Variants in RBM33 observed in about 807,000 individuals in gnomAD.
RBM33 encodes the protein RNA-binding protein 33.
In RBM33, 28 loss-of-function variants were observed where a neutral mutation model predicts 132.6. That is an observed-to-expected ratio of 0.21 (90% CI 0.16 to 0.29). The LOEUF (loss-of-function observed/expected upper bound fraction) is 0.29, where lower values mean the gene tolerates loss of function less well. Ranked by LOEUF, RBM33 falls within the 10% of genes least tolerant of loss-of-function variation. The probability of loss-of-function intolerance (pLI) is 1.00; values close to 1 mark genes in which losing one functional copy is unlikely to be tolerated. For synonymous variants in RBM33, 634 were observed against 593.0 expected, an observed-to-expected ratio of 1.07 and a Z score of -1.01; for missense variants, 1,291 against 1,518.5, an observed-to-expected ratio of 0.85 and a Z score of 2.49.
rs57690933 is a variant in RBM33, at chr7:155,725,804, T to A, written c.1260+7361T>A. On this transcript the variant is annotated intron_variant, in intron 9 of 17. Coordinates refer to ENST00000401878, the MANE Select transcript of RBM33 (RefSeq NM_053043.3). ...TTAACATTATCCTAATGTATTTAAA[T>A]TCATGTGGTGTTTTTTTACCCCTGC... 1.0e-3 allele frequency among the ~76,000 whole-genome samples: 152 copies of A among 152,342 alleles called. 1 individual carries two copies. The highest frequency in any genetic ancestry group is 6.8e-3 in the Middle Eastern group (2 of 294).
intron 9 of RBM33, among the ~76,000 whole-genome samples, chr7:155,729,232 G>A (rs1037789003): frequency 2.0e-5 from 3 of 152,054 alleles, no homozygotes; most frequent in African/African-American, 7.2e-5. Flanking sequence ...CTGCCCCCAT[G>A]ATCCAGTCAC....
At position 155,739,719 on chromosome 7, in the gene RBM33, C is replaced by T. The variant is rs1411362834; in HGVS notation, c.1742C>T (p.Pro581Leu). The T allele has an allele frequency of 3.2e-6, 5 of 1,545,200 alleles. No homozygotes were observed. Among genetic ancestry groups the T allele is most frequent in the South Asian group, 2.4e-5 (2 of 83,268 alleles). The stretch of plus-strand genomic sequence containing the variant: ...CTCTTTCTTTGGAAATGGAAGGGGC[C>T]GTTGCATCCTCCATTGCCCCCTCCG... Reference protein sequence around the residue: ...PTHTQPNLQGPLHPPLPPPHQ... With the variant: ...PTHTQPNLQGLLHPPLPPPHQ... The change falls in exon 12 of 18, where the codon CCG (proline) becomes CTG (leucine). Residue 581 changes from proline (P) to leucine (L), a missense_variant. By Grantham distance (98) the Pro-to-Leu change is moderately conservative. Transcript: ENST00000401878.
intron 9 of RBM33, among the ~76,000 whole-genome samples, chr7:155,723,271 T>C (rs182738683): frequency 5.3e-5 from 8 of 152,356 alleles, no homozygotes; most frequent in Middle Eastern, 3.4e-3. Context: ...AAAGAACGTC[T>C]TGCTTTTGAA....
intron 15 of RBM33, among the ~76,000 whole-genome samples, chr7:155,765,219 G>A (rs1406974420): frequency 6.6e-6 from 1 of 152,138 alleles, no homozygotes; most frequent in Non-Finnish European, 1.5e-5. Context: ...AAAAAACCTG[G>A]TGCCTGGTGT....
At position 155,775,285 on chromosome 7, in the gene RBM33, G is replaced by GTTTTTCGT. The variant is rs1802569664; in HGVS notation, c.*248_*255dup. On this transcript the variant is annotated 3_prime_UTR_variant, in exon 18 of 18. Coordinates refer to ENST00000401878, the MANE Select transcript of RBM33 (RefSeq NM_053043.3). Reference sequence around the variant, plus strand: ...CTCTTGTCACCACCAAGAACTCCAAGTTTTTCGTTTTGTTTTGTTTTCAAA... The same window carrying GTTTTTCGT: ...CTCTTGTCACCACCAAGAACTCCAAGTTTTTCGTTTTTTCGTTTTGTTTTGTTTTCAAA... 1 of 620,082 alleles carries GTTTTTCGT rather than the reference G, an allele frequency of 1.6e-6. No individual in the cohort carries two copies. Among genetic ancestry groups the GTTTTTCGT allele is most frequent in the African/African-American group, 1.8e-5 (1 of 54,242 alleles). The allele number at this position is 620,082 out of a possible 1,614,324, so 38.4% of individuals were successfully genotyped here.
chr7:155,673,959 T>TTG (rs1563138425), intron 3 of RBM33, among the ~76,000 whole-genome samples: 1 of 124,144 alleles, frequency 8.1e-6, no homozygotes, highest in Non-Finnish European at 1.7e-5. Context: ...TTTTTTTTTT[T>TTG]TTTTTTTTTT....
intron 5 of RBM33, among the ~76,000 whole-genome samples, chr7:155,691,279 A>G (rs544530227): frequency 3.3e-5 from 5 of 152,282 alleles, no homozygotes; most frequent in Non-Finnish European, 7.4e-5. Context: ...AAGCTTGTGC[A>G]GTCATCACGT....
At chr7:155,650,696 C>T (rs1197335035) in intron 1 of RBM33, among the ~76,000 whole-genome samples, 1 of 152,254 alleles carries the variant, frequency 6.6e-6, no homozygotes, top group South Asian at 2.1e-4. Context: ...CCATTTGGGT[C>T]TGGTTCCCTT....
chr7:155,779,857 T>C lies in RBM33; in HGVS notation c.*4816T>C, dbSNP rs1452219930. ...AGTGAGACACTTCTGAGTACTTGCT[T>C]TTTCCTTTGACTTCTAACCAACTAA... On this transcript the variant is annotated 3_prime_UTR_variant, in exon 18 of 18. Coordinates refer to ENST00000401878, the MANE Select transcript of RBM33 (RefSeq NM_053043.3). The C allele has an allele frequency of 6.6e-6, 1 of 152,224 alleles. No homozygotes were observed. The highest frequency in any genetic ancestry group is 2.4e-5 in the African/African-American group (1 of 41,468). 9.4% of individuals were successfully genotyped at this position (152,224 alleles called of 1,614,324 possible).
At position 155,774,244 on chromosome 7, in the gene RBM33, C is replaced by T. The variant is rs1170686467; in HGVS notation, c.3376-315C>T. Among the ~76,000 whole-genome samples, 1 of 152,128 alleles carries T rather than the reference C, an allele frequency of 6.6e-6. No individual in the cohort carries two copies. The highest frequency in any genetic ancestry group is 1.5e-5 in the Non-Finnish European group (1 of 68,010). On this transcript the variant is annotated intron_variant, in intron 16 of 17. Transcript: ENST00000401878. This position sits in a 1 kb window ranked among gnomAD's most constrained non-coding sequence, Gnocchi z 4.2. ...CGTGAGAAGAGGAGATGTCTCTATC[C>T]AAGGGTACCTGCTACCCGGTCTCCC...
intron 8 of RBM33, among the ~76,000 whole-genome samples, chr7:155,716,566 G>A (rs1800470060): frequency 6.6e-6 from 1 of 152,060 alleles, no homozygotes; most frequent in African/African-American, 2.4e-5. Context: ...TCGAGTTAGT[G>A]AAGATCTGGG....
intron 13 of RBM33, among the ~76,000 whole-genome samples, chr7:155,744,476 A>C (rs913601530): frequency 6.6e-6 from 1 of 152,218 alleles, no homozygotes; most frequent in African/African-American, 2.4e-5. Context: ...GCTGTTCATT[A>C]TAACCAATTA....
Position 155,680,752 on chromosome 7 carries a change from G to C in RBM33, c.411G>C (p.Leu137Phe). 1 of 1,613,588 alleles carries C rather than the reference G, an allele frequency of 6.2e-7. No homozygotes were observed. The highest frequency in any genetic ancestry group is 1.1e-5 in the South Asian group (1 of 91,014). The change falls in exon 5 of 18, where the codon TTG becomes TTC. Residue 137 changes from leucine (L) to phenylalanine (F), a missense_variant. Transcript: ENST00000401878. ...LVYHKSDGSE[L>F]YTQEYPEEGQ... Reference sequence around the variant, plus strand: ...ATCACAAATCTGATGGATCAGAATTGTATACTCAAGAGTACCCAGAAGAAG... The same window carrying C: ...ATCACAAATCTGATGGATCAGAATTCTATACTCAAGAGTACCCAGAAGAAG...
intron 2 of RBM33, among the ~76,000 whole-genome samples, chr7:155,669,723 A>C (rs938340778): frequency 3.9e-5 from 6 of 152,224 alleles, no homozygotes; most frequent in African/African-American, 9.7e-5. Context: ...TAATGAGTTC[A>C]TTCCCATCCA....
At chr7:155,673,956 T>G (rs1024119026) in intron 3 of RBM33, among the ~76,000 whole-genome samples, 1,741 of 109,128 alleles carry the variant, frequency 0.016, 360 homozygotes, top group Non-Finnish European at 0.023. Flanking sequence ...TTTTTTTTTT[T>G]TTTTTTTTTT....
At chr7:155,653,339 C>T (rs1229193003) in intron 1 of RBM33, among the ~76,000 whole-genome samples, 2 of 152,088 alleles carry the variant, frequency 1.3e-5, no homozygotes, top group African/African-American at 4.8e-5. Context: ...TTCTGAGGTT[C>T]TGGTGGACAT....
In RBM33 at chr7:155,780,741, C is replaced by T. The variant is rs1166101172; in HGVS notation, c.*5700C>T. On this transcript the variant is annotated 3_prime_UTR_variant, in exon 18 of 18. Transcript: ENST00000401878. ...CTCAGCCTTGAGAACTCCACGTGGG[C>T]TGGGTGGGAAGGTGCTGACGATTTT... 2.6e-5 allele frequency: 4 copies of T among 152,306 alleles called. No homozygotes were observed. Among genetic ancestry groups the T allele is most frequent in the African/African-American group, 9.7e-5 (4 of 41,444 alleles). 9.4% of individuals were successfully genotyped at this position (152,306 alleles called of 1,614,324 possible).
At chr7:155,697,339 T>C (rs1000538978) in intron 5 of RBM33, among the ~76,000 whole-genome samples, 2 of 152,204 alleles carry the variant, frequency 1.3e-5, no homozygotes, top group African/African-American at 2.4e-5. Context: ...CGTGTACTTT[T>C]ACTTTTAAAA....
In RBM33 at chr7:155,727,063, A is replaced by G. The variant is rs556343369; in HGVS notation, c.1260+8620A>G. On this transcript the variant is annotated intron_variant, in intron 9 of 17. Coordinates refer to ENST00000401878, the MANE Select transcript of RBM33 (RefSeq NM_053043.3). ...CAGGCTGTGAACCAGGCTGCGTTTA[A>G]CAGAAAACTTAGTTAACAGTGACTG... Among the ~76,000 whole-genome samples, 14 of 152,356 alleles carry G rather than the reference A, an allele frequency of 9.2e-5. No individual in the cohort carries two copies. In the South Asian group the frequency reaches 2.9e-3, roughly 32 times the overall value.
Sources: allele counts gnomAD v4.1 joint callset (sites outside exome capture counted in the v4.1 genomes callset), GRCh38; gene constraint gnomAD v4.1.1; non-coding constraint Gnocchi (gnomAD v3.1); transcripts MANE v1.5; gene names NCBI Gene and HGNC (gene_info 2026-07-23, HGNC 2026-07-21).